RPTOR: variants seen among roughly 807,000 people sequenced by gnomAD.
RPTOR encodes regulatory associated protein of MTOR complex 1, also known as regulatory-associated protein of mTOR.
A neutral mutation model predicts 169.9 loss-of-function variants in RPTOR; 21 were observed. That is an observed-to-expected ratio of 0.12 (90% CI 0.09 to 0.18). The LOEUF is 0.18. Among genes scored for constraint, RPTOR ranks in the 10% least tolerant of loss-of-function variants. RPTOR has a pLI of 1.00. For missense variants in RPTOR, 1,133 were observed against 1,855.9 expected (o/e 0.61, Z 7.16); for synonymous variants, 732 against 753.2 (o/e 0.97, Z 0.46).
At chr17:80,612,277 G>A (rs965116151) in intron 1 of RPTOR, among the ~76,000 whole-genome samples, 1 of 152,100 alleles carries the variant, frequency 6.6e-6, no homozygotes, top group African/African-American at 2.4e-5. Context: ...CTACAGGTGT[G>A]CACCACTATG....
chr17:80,710,567 T>TTGTGTGTGTGTGTGTGTGTG (rs1249250528), intron 4 of RPTOR, among the ~76,000 whole-genome samples: 1 of 110,540 alleles, frequency 9.0e-6, no homozygotes, highest in African/African-American at 3.2e-5. Flanking sequence ...CCTTGGTTAT[T>TTGTGTGTGTGTGTGTGTGTG]TGTATGTGTG....
chr17:80,577,946 C>T (rs899326892), intron 1 of RPTOR, among the ~76,000 whole-genome samples: 2 of 152,240 alleles, frequency 1.3e-5, no homozygotes, highest in Non-Finnish European at 2.9e-5. Flanking sequence ...AAAATATGGC[C>T]TGACGCTGTG....
chr17:80,563,134 C>G (rs1167928645), intron 1 of RPTOR, among the ~76,000 whole-genome samples: 1 of 152,164 alleles, frequency 6.6e-6, no homozygotes, highest in East Asian at 1.9e-4. Context: ...CACTGTGCAG[C>G]CTTTTACTTC....
intron 1 of RPTOR, among the ~76,000 whole-genome samples, chr17:80,612,983 C>G (rs1344920461): frequency 2.6e-5 from 4 of 152,194 alleles, no homozygotes; most frequent in Non-Finnish European, 5.9e-5. Context: ...GAACCTAAAG[C>G]ATCTCAAAGT....
chr17:80,678,751 G>A (rs2065877275), intron 3 of RPTOR, among the ~76,000 whole-genome samples: 1 of 152,168 alleles, frequency 6.6e-6, no homozygotes, highest in South Asian at 2.1e-4. Flanking sequence ...GAAGGTGGAA[G>A]GAGCGGCGCC....
intron 1 of RPTOR, among the ~76,000 whole-genome samples, chr17:80,564,595 T>C (rs565279123): frequency 7.3e-6 from 1 of 136,958 alleles, no homozygotes; most frequent in African/African-American, 2.6e-5. Flanking sequence ...GTATTAAGCC[T>C]AGTACCCAAC....
intron 1 of RPTOR, among the ~76,000 whole-genome samples, chr17:80,573,234 G>C (rs903447879): frequency 6.6e-6 from 1 of 152,132 alleles, no homozygotes; most frequent in African/African-American, 2.4e-5. Context: ...GAATGTCTTG[G>C]CTATTCTTGT....
chr17:80,878,396 G>T lies in RPTOR; in HGVS notation c.1510-2019G>T, dbSNP rs1175744179. On this transcript the variant is annotated intron_variant, in intron 13 of 33. Transcript: ENST00000306801. This position sits in a 1 kb window ranked among gnomAD's most constrained non-coding sequence, Gnocchi z 4.1. ...TAGTCTTGCTCTGTCGCCCAGGCTG[G>T]AATGCAGTGGTGCGATCTCAGCTCA... 6.6e-6 allele frequency among the ~76,000 whole-genome samples: 1 copy of T among 151,982 alleles called. No homozygotes were observed. Among genetic ancestry groups the T allele is most frequent in the Non-Finnish European group, 1.5e-5 (1 of 67,978 alleles).
chr17:80,708,224 G>A lies in RPTOR; in HGVS notation c.507+225G>A, dbSNP rs551679131. ...GAATGACTGCCTTGAAGTGTGGTGCGTGTGGTTTATGTTCCCTCTGTAAGA... is the reference window on the plus strand; with the variant it reads ...GAATGACTGCCTTGAAGTGTGGTGCATGTGGTTTATGTTCCCTCTGTAAGA... On this transcript the variant is annotated intron_variant, in intron 4 of 33. Transcript: ENST00000306801. This position sits in a 1 kb window ranked among gnomAD's most constrained non-coding sequence, Gnocchi z 4.2. 5.3e-5 allele frequency among the ~76,000 whole-genome samples: 8 copies of A among 152,352 alleles called. No homozygotes were observed. Among genetic ancestry groups the A allele is most frequent in the South Asian group, 2.1e-4 (1 of 4,826 alleles).
At chr17:80,723,260 A>G (rs1410031792) in intron 4 of RPTOR, among the ~76,000 whole-genome samples, 1 of 151,118 alleles carries the variant, frequency 6.6e-6, no homozygotes, top group African/African-American at 2.5e-5. Flanking sequence ...GAGTATGCAG[A>G]TATCCTGTTT....
intron 2 of RPTOR, among the ~76,000 whole-genome samples, chr17:80,638,867 G>A (rs551015728): frequency 1.0e-3 from 153 of 152,314 alleles, no homozygotes; most frequent in African/African-American, 3.5e-3. Flanking sequence ...TTGTAGCTAT[G>A]TGAGGAGTGA....
intron 24 of RPTOR, among the ~76,000 whole-genome samples, chr17:80,926,239 A>G (rs978924301): frequency 3.3e-5 from 5 of 152,210 alleles, no homozygotes; most frequent in African/African-American, 1.2e-4. Context: ...CTGTCTTCAT[A>G]GTGAATGCTG....
At chr17:80,551,432 G>C (rs1287647434) in intron 1 of RPTOR, among the ~76,000 whole-genome samples, 2 of 152,122 alleles carry the variant, frequency 1.3e-5, no homozygotes, top group Non-Finnish European at 2.9e-5. Context: ...AGGGTCACAA[G>C]ACAATAGTGG....
Position 80,860,357 on chromosome 17 carries a change from A to G in RPTOR, c.1509+2457A>G, listed in dbSNP as rs570141735. 9.2e-5 allele frequency among the ~76,000 whole-genome samples: 14 copies of G among 152,050 alleles called. No individual in the cohort carries two copies. In the South Asian group the frequency reaches 2.3e-3, roughly 25 times the overall value. Reference sequence around the variant, plus strand: ...CTCGTACCCCGCACTGTGCGCTCTCACCCGTCAGCCCTGCACACCCCACAC... The same window carrying G: ...CTCGTACCCCGCACTGTGCGCTCTCGCCCGTCAGCCCTGCACACCCCACAC... On this transcript the variant is annotated intron_variant, in intron 13 of 33. Transcript: ENST00000306801. The surrounding 1 kb of genome is among the most constrained non-coding windows in gnomAD (Gnocchi z 5.8).
At chr17:80,717,071 T>C (rs1412086559) in intron 4 of RPTOR, among the ~76,000 whole-genome samples, 2 of 152,232 alleles carry the variant, frequency 1.3e-5, no homozygotes, top group African/African-American at 4.8e-5. Flanking sequence ...TGGTTCCATA[T>C]GAGTTTTAGA....
At chr17:80,863,954 A>G (rs2067950420) in intron 13 of RPTOR, among the ~76,000 whole-genome samples, 1 of 152,164 alleles carries the variant, frequency 6.6e-6, no homozygotes, top group Non-Finnish European at 1.5e-5. Context: ...GAAACTAACA[A>G]AAATGAAGCA....
chr17:80,683,685 A>G (rs191914482), intron 3 of RPTOR, among the ~76,000 whole-genome samples: 164 of 152,030 alleles, frequency 1.1e-3, no homozygotes, highest in African/African-American at 3.7e-3. Flanking sequence ...TATCCCATCA[A>G]TCATCTGCTA....
Position 80,707,897 on chromosome 17 carries a change from G to A in RPTOR, c.405G>A (p.Thr135=), listed in dbSNP as rs1209176350. The A allele has an allele frequency of 7.4e-6, 12 of 1,613,930 alleles. No individual in the cohort carries two copies. The highest frequency in any genetic ancestry group is 6.7e-5 in the African/African-American group (5 of 74,926). ...PTVDEVKKLC[T]SLRRNAKEER... ...TGGATGAAGTCAAGAAGCTCTGCAC[G>A]TCCTTACGTCGCAACGCCAAGGAGG... Residue 135 remains threonine, a synonymous_variant, in exon 4 of 34, where the codon ACG becomes ACA. Transcript: ENST00000306801. This position sits in a 1 kb window ranked among gnomAD's most constrained non-coding sequence, Gnocchi z 5.0.
chr17:80,880,012 C>G (rs2068167990), intron 13 of RPTOR, among the ~76,000 whole-genome samples: 2 of 152,344 alleles, frequency 1.3e-5, no homozygotes, highest in African/African-American at 4.8e-5. Context: ...CCAAGAAAAG[C>G]TTGAGCGGGA....
Sources: gnomAD v4.1 joint callset for allele counts (sites outside exome capture counted in the v4.1 genomes callset) on GRCh38, gnomAD v4.1.1 for gene constraint, Gnocchi (gnomAD v3.1) non-coding constraint, MANE v1.5 for transcripts, NCBI Gene and HGNC (gene_info 2026-07-23, HGNC 2026-07-21) for gene names.